The following VSTM4 variants were observed in gnomAD, a reference collection of about 807,000 sequenced individuals.
VSTM4 encodes the protein V-set and transmembrane domain-containing protein 4.
In VSTM4, 20 loss-of-function variants were observed where a neutral mutation model predicts 36.4. The observed-to-expected ratio is 0.55, with a 90% CI of 0.39 to 0.80. The LOEUF (loss-of-function observed/expected upper bound fraction) is 0.80, where lower values mean the gene tolerates loss of function less well. Among genes scored for constraint, VSTM4 ranks in the 30% least tolerant of loss-of-function variants. The probability of loss-of-function intolerance (pLI) is 0.00; values close to 1 mark genes in which losing one functional copy is unlikely to be tolerated. For synonymous variants in VSTM4, 182 were observed against 173.9 expected (o/e 1.05, Z -0.37); for missense variants, 392 against 404.5 (o/e 0.97, Z 0.26).
intron 2 of VSTM4, among the ~76,000 whole-genome samples, chr10:49,100,019 GGAAAAA>G (rs1462678575): frequency 6.6e-6 from 1 of 151,434 alleles, no homozygotes; most frequent in Non-Finnish European, 1.5e-5. Context: ...CCGTGAAAAA[GGAAAAA>G]GAAAAAGAAA....
chr10:49,045,911 C>T (rs1485032479), intron 7 of VSTM4, among the ~76,000 whole-genome samples: 2 of 152,178 alleles, frequency 1.3e-5, no homozygotes, highest in Non-Finnish European at 2.9e-5. Flanking sequence ...AATTGTAAAC[C>T]CCAGGTGTCA....
At chr10:49,096,462 ACTGCAGGAGACATCC>A (rs1312653625) in intron 2 of VSTM4, among the ~76,000 whole-genome samples, 2 of 152,170 alleles carry the variant, frequency 1.3e-5, no homozygotes, top group Admixed American at 6.5e-5. Context: ...TTACGATTAA[ACTGCAGGAGACATCC>A]CTTGCAAATT....
chr10:49,028,372 A>G (rs974266290), intron 7 of VSTM4, among the ~76,000 whole-genome samples: 4 of 152,174 alleles, frequency 2.6e-5, no homozygotes, highest in Non-Finnish European at 4.4e-5. Context: ...TCTGCCAACA[A>G]TGAGGTACTA....
At chr10:49,037,531 C>T (rs76031600) in intron 7 of VSTM4, among the ~76,000 whole-genome samples, 5 of 152,156 alleles carry the variant, frequency 3.3e-5, no homozygotes, top group Admixed American at 6.5e-5. Flanking sequence ...GCCAAAGGGG[C>T]GCTCTAGTGA....
At chr10:49,045,742 C>A (rs767246981) in intron 7 of VSTM4, among the ~76,000 whole-genome samples, 1 of 152,164 alleles carries the variant, frequency 6.6e-6, no homozygotes, top group Non-Finnish European at 1.5e-5. Flanking sequence ...ACCTTAACCA[C>A]GTGATTGAGA....
At chr10:49,097,082 C>G (rs1844586394) in intron 2 of VSTM4, among the ~76,000 whole-genome samples, 1 of 152,098 alleles carries the variant, frequency 6.6e-6, no homozygotes, top group Non-Finnish European at 1.5e-5. Flanking sequence ...GGGTGAAGGC[C>G]CAGGAAGTGC....
intron 3 of VSTM4, among the ~76,000 whole-genome samples, chr10:49,081,258 G>A (rs1042245694): frequency 2.0e-5 from 3 of 152,194 alleles, no homozygotes; most frequent in African/African-American, 4.8e-5. Flanking sequence ...CTGCCAGGCC[G>A]ACAGAACCTC....
intron 2 of VSTM4, chr10:49,103,905 A>T: frequency 6.4e-7 from 1 of 1,567,148 alleles, no homozygotes; most frequent in Non-Finnish European, 8.7e-7. Flanking sequence ...GACAAGAGAG[A>T]CCACGGGCCT....
At chr10:49,057,069 A>C (rs902851824) in intron 5 of VSTM4, among the ~76,000 whole-genome samples, 11 of 152,066 alleles carry the variant, frequency 7.2e-5, no homozygotes. Flanking sequence ...GTGTGAATTC[A>C]TCAGGTGAGA....
At chr10:49,028,792 CA>C (rs1394545822) in intron 7 of VSTM4, among the ~76,000 whole-genome samples, 3 of 152,170 alleles carry the variant, frequency 2.0e-5, no homozygotes, top group African/African-American at 4.8e-5. Flanking sequence ...CTCTCAACAT[CA>C]AAAGTTCAAT....
intron 2 of VSTM4, among the ~76,000 whole-genome samples, chr10:49,087,928 TA>T (rs1844399961): frequency 2.9e-5 from 4 of 139,116 alleles, no homozygotes; most frequent in Admixed American, 7.1e-5. Flanking sequence ...TATACATATG[TA>T]ATATATATGT....
At chr10:49,083,378 C>G (rs1432637615) in intron 3 of VSTM4, among the ~76,000 whole-genome samples, 1 of 152,190 alleles carries the variant, frequency 6.6e-6, no homozygotes, top group African/African-American at 2.4e-5. Context: ...TATCCATCCA[C>G]AACCCCTACT....
At chr10:49,070,113 C>A (rs1177889219) in intron 4 of VSTM4, among the ~76,000 whole-genome samples, 1 of 114,290 alleles carries the variant, frequency 8.7e-6, no homozygotes, top group South Asian at 2.7e-4. Flanking sequence ...ATCAGCCGGG[C>A]GTAGTGGCGG....
chr10:49,115,377 C>A (rs1033096539), intron 1 of VSTM4, 54 bp downstream of exon 1: 20 of 990,918 alleles, frequency 2.0e-5, no homozygotes, highest in Non-Finnish European at 2.4e-5. Flanking sequence ...GCCTCCCCGG[C>A]GCGGCCGCCC....
At chr10:49,021,007 C>G (rs1843175111) in intron 7 of VSTM4, among the ~76,000 whole-genome samples, 1 of 152,068 alleles carries the variant, frequency 6.6e-6, no homozygotes, top group East Asian at 1.9e-4. Flanking sequence ...TAGAAAGGTA[C>G]TTAATACAAT....
intron 3 of VSTM4, among the ~76,000 whole-genome samples, chr10:49,081,950 A>G (rs1041171912): frequency 6.6e-6 from 1 of 152,172 alleles, no homozygotes; most frequent in African/African-American, 2.4e-5. Flanking sequence ...CCCTTCTGTT[A>G]CAAGCATTCC....
chr10:49,056,891 A>C (rs1843788738), intron 5 of VSTM4, among the ~76,000 whole-genome samples: 1 of 152,192 alleles, frequency 6.6e-6, no homozygotes, highest in African/African-American at 2.4e-5. Context: ...TGGTTCTGCA[A>C]GCTGTACAGG....
At chr10:49,112,322 G>A (rs1844909247) in intron 1 of VSTM4, among the ~76,000 whole-genome samples, 1 of 152,220 alleles carries the variant, frequency 6.6e-6, no homozygotes, top group Non-Finnish European at 1.5e-5. Context: ...GGATGTTTAT[G>A]GTCCCAGGCC....
chr10:49,079,890 T>C (rs943152425), intron 3 of VSTM4, among the ~76,000 whole-genome samples: 1 of 152,154 alleles, frequency 6.6e-6, no homozygotes, highest in Admixed American at 6.6e-5. Flanking sequence ...TGAATATGCA[T>C]ATATTTTTAA....
Sources: allele counts gnomAD v4.1 joint callset (sites outside exome capture counted in the v4.1 genomes callset), GRCh38; gene constraint gnomAD v4.1.1; transcripts MANE v1.5; gene names NCBI Gene and HGNC (gene_info 2026-07-23, HGNC 2026-07-21).